The following SLC25A21 variants were observed in gnomAD, a reference collection of about 807,000 sequenced individuals.
The protein encoded by SLC25A21 is mitochondrial 2-oxodicarboxylate carrier.
In SLC25A21, 47 loss-of-function variants were observed where a neutral mutation model predicts 43.8. That is an observed-to-expected ratio of 1.07 (90% CI 0.85 to 1.37). The LOEUF (loss-of-function observed/expected upper bound fraction) is 1.37. Ranked by LOEUF, SLC25A21 falls within the 40% of genes most tolerant of loss-of-function variation. The pLI is 0.00. For missense variants in SLC25A21, 352 were observed against 350.2 expected, an observed-to-expected ratio of 1.00 and a Z score of -0.04; for synonymous variants, 131 against 121.3, an observed-to-expected ratio of 1.08 and a Z score of -0.52.
intron 3 of SLC25A21, among the ~76,000 whole-genome samples, chr14:36,780,743 T>C (rs577536936): frequency 3.9e-5 from 6 of 152,204 alleles, no homozygotes; most frequent in South Asian, 4.1e-4. Flanking sequence ...TGTGGCATAA[T>C]ATATAATCTA....
chr14:36,768,664 C>T (rs1484518412), intron 3 of SLC25A21, among the ~76,000 whole-genome samples: 2 of 152,150 alleles, frequency 1.3e-5, no homozygotes, highest in East Asian at 1.9e-4. Flanking sequence ...AGGCAGGTTA[C>T]TTAACTGCAC....
chr14:36,761,795 G>A (rs967538566), intron 3 of SLC25A21, among the ~76,000 whole-genome samples: 11 of 152,154 alleles, frequency 7.2e-5, no homozygotes, highest in Non-Finnish European at 1.0e-4. Context: ...GCATATTGAC[G>A]TATAACAGAT....
rs562899723 is a variant in SLC25A21, at chr14:37,042,733, T to G, written c.70+129548A>C. Among the ~76,000 whole-genome samples the G allele has an allele frequency of 4.9e-4, 74 of 152,362 alleles. 1 individual carries two copies. Among genetic ancestry groups the G allele is most frequent in the Admixed American group, 1.2e-3 (19 of 15,302 alleles). On this transcript the variant is annotated intron_variant, in intron 1 of 9. Transcript: ENST00000331299. ...CACAGTCTTTGGGAAAACATACCTA[T>G]TGTGTAAACCAGGGCATGTGTGAAT...
At chr14:36,741,721 A>T (rs796875275) in intron 3 of SLC25A21, among the ~76,000 whole-genome samples, 1 of 152,200 alleles carries the variant, frequency 6.6e-6, no homozygotes, top group South Asian at 2.1e-4. Context: ...GGATGCTTTC[A>T]CCTGGATCCC....
chr14:37,129,722 T>C (rs543729578), intron 1 of SLC25A21, among the ~76,000 whole-genome samples: 4 of 151,752 alleles, frequency 2.6e-5, no homozygotes, highest in South Asian at 4.2e-4. Context: ...CAATATTCCA[T>C]TGGGTGCCTA....
At chr14:37,148,954 A>G (rs1056401364) in intron 1 of SLC25A21, among the ~76,000 whole-genome samples, 3 of 152,164 alleles carry the variant, frequency 2.0e-5, no homozygotes, top group Non-Finnish European at 4.4e-5. Flanking sequence ...TTAAATATCC[A>G]AATTGAATGA....
At chr14:36,754,580 T>G (rs190035268) in intron 3 of SLC25A21, among the ~76,000 whole-genome samples, 80 of 152,308 alleles carry the variant, frequency 5.3e-4, no homozygotes, top group African/African-American at 1.9e-3. Flanking sequence ...AAGAAGTAAT[T>G]GATATGGGAC....
At chr14:37,046,594 T>C (rs1961592084) in intron 1 of SLC25A21, among the ~76,000 whole-genome samples, 1 of 152,360 alleles carries the variant, frequency 6.6e-6, no homozygotes, top group Middle Eastern at 3.4e-3. Context: ...ACTGATACTT[T>C]GCAATTAATA....
chr14:37,121,670 C>T (rs936458484), intron 1 of SLC25A21, among the ~76,000 whole-genome samples: 1 of 152,060 alleles, frequency 6.6e-6, no homozygotes, highest in African/African-American at 2.4e-5. Flanking sequence ...TGCCTGTAAT[C>T]CCAGCTACTT....
At chr14:37,170,546 G>A (rs1411519746) in intron 1 of SLC25A21, among the ~76,000 whole-genome samples, 2 of 152,064 alleles carry the variant, frequency 1.3e-5, no homozygotes. Flanking sequence ...AGAACCTTAG[G>A]CATTGCGGAA....
Position 37,094,886 on chromosome 14 carries a change from T to C in SLC25A21, c.70+77395A>G, listed in dbSNP as rs138521649. On this transcript the variant is annotated intron_variant, in intron 1 of 9. Coordinates refer to ENST00000331299, the MANE Select transcript of SLC25A21 (RefSeq NM_030631.4). Reference sequence around the variant, plus strand: ...AAGAGGAATAAGTTCACAACACCTATTGTACAACATGGTGGCTATAGTTAA... The same window carrying C: ...AAGAGGAATAAGTTCACAACACCTACTGTACAACATGGTGGCTATAGTTAA... Among the ~76,000 whole-genome samples, 239 of 152,292 alleles carry C rather than the reference T, an allele frequency of 1.6e-3. 1 individual carries two copies. The highest frequency in any genetic ancestry group is 2.5e-3 in the Non-Finnish European group (167 of 68,018).
intron 1 of SLC25A21, among the ~76,000 whole-genome samples, chr14:36,970,344 T>G (rs1020991398): frequency 3.9e-5 from 6 of 152,156 alleles, no homozygotes; most frequent in African/African-American, 1.2e-4. Flanking sequence ...GAATCGTGAA[T>G]GAATAGATGA....
chr14:37,125,450 GA>G (rs910364339), intron 1 of SLC25A21, among the ~76,000 whole-genome samples: 3 of 152,162 alleles, frequency 2.0e-5, no homozygotes, highest in African/African-American at 7.2e-5. Flanking sequence ...AAGGCAGGTG[GA>G]ATAGATGATC....
chr14:36,735,784 C>T (rs1885005310), intron 3 of SLC25A21, among the ~76,000 whole-genome samples: 2 of 150,582 alleles, frequency 1.3e-5, no homozygotes, highest in African/African-American at 2.5e-5. Flanking sequence ...GAGGGCAGCG[C>T]ACCCTTTGGG....
intron 1 of SLC25A21, among the ~76,000 whole-genome samples, chr14:37,145,113 G>A (rs1043415336): frequency 1.3e-5 from 2 of 152,134 alleles, no homozygotes; most frequent in Non-Finnish European, 2.9e-5. Context: ...CAATGAGGTA[G>A]ATTGCATCCT....
chr14:36,679,358 A>AATT lies in SLC25A21; in HGVS notation c.*1297_*1299dup. On this transcript the variant is annotated 3_prime_UTR_variant, in exon 10 of 10. Transcript: ENST00000331299. ...ATGCTCTAAATTAATAAAAAGTAAT[A>AATT]ATTACCATGTTATCTTTTACTTTTT... 3.1e-6 allele frequency: 3 copies of AATT among 975,090 alleles called. No individual in the cohort carries two copies. Among genetic ancestry groups the AATT allele is most frequent in the Non-Finnish European group, 3.7e-6 (3 of 820,634 alleles). The allele number at this position is 975,090 out of a possible 1,614,324, so 60.4% of individuals were successfully genotyped here.
chr14:36,989,046 C>T (rs561686581), intron 1 of SLC25A21, among the ~76,000 whole-genome samples: 5 of 152,246 alleles, frequency 3.3e-5, no homozygotes, highest in South Asian at 4.2e-4. Flanking sequence ...CAGACTTTAC[C>T]GCTTTCTTTT....
At chr14:37,016,280 C>A (rs1293728723) in intron 1 of SLC25A21, among the ~76,000 whole-genome samples, 1 of 152,144 alleles carries the variant, frequency 6.6e-6, no homozygotes, top group Non-Finnish European at 1.5e-5. Flanking sequence ...GTTTTCCCAG[C>A]ACCATTTATT....
intron 1 of SLC25A21, among the ~76,000 whole-genome samples, chr14:37,164,964 G>C (rs1964006982): frequency 1.3e-5 from 2 of 152,194 alleles, no homozygotes; most frequent in Admixed American, 6.5e-5. Flanking sequence ...TTTAGTGCAA[G>C]ATTGGAAAAC....
Sources: allele counts gnomAD v4.1 joint callset (sites outside exome capture counted in the v4.1 genomes callset), GRCh38; gene constraint gnomAD v4.1.1; transcripts MANE v1.5; gene names NCBI Gene and HGNC (gene_info 2026-07-23, HGNC 2026-07-21).